The following PIBF1 variants were observed in gnomAD, a reference collection of about 807,000 sequenced individuals.
The protein encoded by PIBF1 is progesterone-induced-blocking factor 1.
PIBF1 carries 90 observed loss-of-function variants against 112.5 expected under a neutral mutation model. The observed-to-expected ratio is 0.80, with a 90% CI of 0.67 to 0.95. The LOEUF is 0.95. PIBF1 is among the 40% of genes least tolerant of loss of function. The pLI is 0.00. For synonymous variants in PIBF1, 301 were observed against 288.6 expected (o/e 1.04, Z -0.44); for missense variants, 915 against 852.3 (o/e 1.07, Z -0.92).
chr13:73,004,857 A>T (rs1159100886), intron 17 of PIBF1, among the ~76,000 whole-genome samples: 4 of 152,138 alleles, frequency 2.6e-5, no homozygotes, highest in Non-Finnish European at 5.9e-5. Context: ...TTGCATCGTA[A>T]TGTGAATGTA....
chr13:72,963,184 A>G (rs1333891044), intron 14 of PIBF1, among the ~76,000 whole-genome samples: 1 of 152,254 alleles, frequency 6.6e-6, no homozygotes, highest in African/African-American at 2.4e-5. Context: ...TAAAATGCAT[A>G]GAAGAAAACA....
Position 72,861,807 on chromosome 13 carries a change from C to T in PIBF1, c.1322+7652C>T, listed in dbSNP as rs112382814. On this transcript the variant is annotated intron_variant, in intron 10 of 17. Transcript: ENST00000326291. Reference sequence around the variant, plus strand: ...CCTCAAACTCCTGACCTCAAGTGATCAGAAAAAACACAGCAATCTTTGAAG... The same window carrying T: ...CCTCAAACTCCTGACCTCAAGTGATTAGAAAAAACACAGCAATCTTTGAAG... Among the ~76,000 whole-genome samples, 442 of 151,906 alleles carry T rather than the reference C, an allele frequency of 2.9e-3. 3 individuals are homozygous for T. The highest frequency in any genetic ancestry group is 9.9e-3 in the African/African-American group (412 of 41,442).
rs754833815 is a variant in PIBF1, at chr13:73,007,914, A to G, written c.2224-7955A>G. ...TCCATGATCTATCTCAGGAGTTGAT[A>G]AAAGCTTAGAAACTTCCAGTGTTTG... is the stretch of plus-strand genomic sequence containing the variant. On this transcript the variant is annotated intron_variant, in intron 17 of 17. Coordinates refer to ENST00000326291, the MANE Select transcript of PIBF1 (RefSeq NM_006346.4). Among the ~76,000 whole-genome samples the G allele has an allele frequency of 9.7e-4, 148 of 152,332 alleles. 1 individual carries two copies. The highest frequency in any genetic ancestry group is 3.7e-3 in the South Asian group (18 of 4,830).
chr13:72,838,158 A>G (rs1408441035), intron 9 of PIBF1, among the ~76,000 whole-genome samples: 1 of 152,216 alleles, frequency 6.6e-6, no homozygotes, highest in Non-Finnish European at 1.5e-5. Context: ...AATTTAGCAA[A>G]TATTTATTGA....
intron 15 of PIBF1, among the ~76,000 whole-genome samples, chr13:72,967,450 C>T (rs1278336352): frequency 6.6e-6 from 1 of 152,044 alleles, no homozygotes; most frequent in Non-Finnish European, 1.5e-5. Context: ...TGAACAAATT[C>T]AGCCATAGAG....
chr13:72,853,084 G>A (rs1024428235), intron 9 of PIBF1, among the ~76,000 whole-genome samples: 1 of 151,728 alleles, frequency 6.6e-6, no homozygotes, highest in African/African-American at 2.4e-5. Context: ...GTGACTATCT[G>A]AAAGAAACTT....
In PIBF1 at chr13:72,804,303, T is replaced by TTATGTATAATTAAAA. The variant is rs2035620334; in HGVS notation, c.672+6280_672+6281insGTATAATTAAAATAT. 3.9e-5 allele frequency among the ~76,000 whole-genome samples: 6 copies of TTATGTATAATTAAAA among 152,252 alleles called. No individual in the cohort carries two copies. The South Asian group carries it at 1.2e-3, about 32-fold the overall frequency. On this transcript the variant is annotated intron_variant, in intron 5 of 17. Transcript: ENST00000326291. ...AAAGCATAACAAATTTATGTATAATTTATATGTATAATTTAATATAAATTT... is the reference window on the plus strand; with the variant it reads ...AAAGCATAACAAATTTATGTATAATTTATGTATAATTAAAATATATGTATAATTTAATATAAATTT...
At chr13:72,890,663 T>C (rs1220152830) in intron 10 of PIBF1, among the ~76,000 whole-genome samples, 7 of 152,168 alleles carry the variant, frequency 4.6e-5, no homozygotes, top group Non-Finnish European at 8.8e-5. Context: ...AAGTTGTTAA[T>C]GTATGAATAA....
intron 17 of PIBF1, among the ~76,000 whole-genome samples, chr13:73,004,489 CAA>C (rs56073630): frequency 6.6e-5 from 9 of 136,856 alleles, no homozygotes; most frequent in East Asian, 2.1e-4. Flanking sequence ...GATTCTGTCT[CAA>C]AAAAAAAAAA....
rs1491281184 is a variant in PIBF1, at chr13:72,832,071, C to CTTTTTTTTTTTTT, written c.1098-3172_1098-3171insTTTTTTTTTTTTT. On this transcript the variant is annotated intron_variant, in intron 8 of 17. Transcript: ENST00000326291. The stretch of plus-strand genomic sequence containing the variant: ...TCAGAGATTAGAATTGCAATTCCGG[C>CTTTTTTTTTTTTT]CTTTTTTTTTTTTTTTTTTTTTTTT... 6.7e-4 allele frequency among the ~76,000 whole-genome samples: 40 copies of CTTTTTTTTTTTTT among 59,492 alleles called. 14 individuals are homozygous for CTTTTTTTTTTTTT. Among genetic ancestry groups the CTTTTTTTTTTTTT allele is most frequent in the Non-Finnish European group, 5.9e-4 (18 of 30,422 alleles). The allele number at this position is 59,492 out of a possible 152,430, so 39.0% of individuals were successfully genotyped here.
At position 72,951,545 on chromosome 13, in the gene PIBF1, C is replaced by A. The variant is rs147046010; in HGVS notation, c.1834-13729C>A. 2.0e-5 allele frequency among the ~76,000 whole-genome samples: 3 copies of A among 152,038 alleles called. No individual in the cohort carries two copies. In the East Asian group the frequency reaches 5.8e-4, roughly 29 times the overall value. On this transcript the variant is annotated intron_variant, in intron 14 of 17. Transcript: ENST00000326291. ...AAACAGGACAGAAGAGAAAAGGTAA[C>A]GTTTAAAAATAGGCAAAGACAATCT...
chr13:72,973,860 A>G (rs185399915), intron 16 of PIBF1, 185 bp downstream of exon 16: 771 of 511,046 alleles, frequency 1.5e-3, no homozygotes, highest in Non-Finnish European at 2.4e-3. Context: ...TCTTATTCCT[A>G]GAATAACCCC....
intron 14 of PIBF1, among the ~76,000 whole-genome samples, chr13:72,956,042 G>A (rs1032813622): frequency 6.6e-6 from 1 of 152,056 alleles, no homozygotes; most frequent in Non-Finnish European, 1.5e-5. Context: ...ATATTTAATG[G>A]AAGAAAGGCA....
intron 14 of PIBF1, among the ~76,000 whole-genome samples, chr13:72,958,359 A>G (rs2042510229): frequency 1.3e-5 from 2 of 149,674 alleles, no homozygotes; most frequent in Admixed American, 6.6e-5. Flanking sequence ...AATTTGAAGT[A>G]GTAATGTTCT....
At chr13:72,827,199 G>T in intron 7 of PIBF1, 81 bp downstream of exon 7, 2 of 359,282 alleles carry the variant, frequency 5.6e-6, no homozygotes, top group South Asian at 7.3e-5. Context: ...TTGAAGGAGA[G>T]ACATTTTTTT....
intron 16 of PIBF1, among the ~76,000 whole-genome samples, chr13:72,983,575 AAAGTGAAATCACAGT>A (rs1467628630): frequency 6.6e-6 from 1 of 152,192 alleles, no homozygotes; most frequent in Non-Finnish European, 1.5e-5. Flanking sequence ...AGGTTTCTTG[AAAGTGAAATCACAGT>A]ATAATTATCA....
In PIBF1 at chr13:72,995,830, A is replaced by G. The variant is rs1227803835; in HGVS notation, c.2050-2992A>G. Among the ~76,000 whole-genome samples the G allele has an allele frequency of 4.6e-5, 7 of 151,642 alleles. No individual in the cohort carries two copies. The Admixed American group carries it at 4.6e-4, about 10-fold the overall frequency. Reference sequence around the variant, plus strand: ...CTGAGCGTGGTTGTGGGTGCTTGTAATCCTAGCTACTCTGGAGGCTGAGGC... The same window carrying G: ...CTGAGCGTGGTTGTGGGTGCTTGTAGTCCTAGCTACTCTGGAGGCTGAGGC... On this transcript the variant is annotated intron_variant, in intron 16 of 17. Transcript: ENST00000326291.
chr13:72,929,685 AGTG>A (rs1242170635), intron 13 of PIBF1, among the ~76,000 whole-genome samples: 1 of 152,106 alleles, frequency 6.6e-6, no homozygotes. Flanking sequence ...TTAAAAAAAA[AGTG>A]GTTGTCAAAA....
chr13:72,794,978 C>T (rs2035119034), intron 3 of PIBF1, among the ~76,000 whole-genome samples: 1 of 152,002 alleles, frequency 6.6e-6, no homozygotes, highest in African/African-American at 2.4e-5. Flanking sequence ...TTCAGTGTTA[C>T]CATCTTAAAG....
Sources: gnomAD v4.1 joint callset for allele counts (sites outside exome capture counted in the v4.1 genomes callset) on GRCh38, gnomAD v4.1.1 for gene constraint, MANE v1.5 for transcripts, NCBI Gene and HGNC (gene_info 2026-07-23, HGNC 2026-07-21) for gene names.